Variants in PARD3B observed in about 807,000 individuals in gnomAD.
PARD3B encodes par-3 family cell polarity regulator beta, also known as partitioning defective 3 homolog B.
In PARD3B, 103 loss-of-function variants were observed where a neutral mutation model predicts 130.2. The ratio of observed to expected loss-of-function variants is 0.79; its 90% CI spans 0.67 to 0.93. The LOEUF (loss-of-function observed/expected upper bound fraction) is 0.93. PARD3B is among the 40% of genes least tolerant of loss of function. PARD3B has a pLI of 0.00. For synonymous variants in PARD3B, 583 were observed against 553.2 expected (o/e 1.05, Z -0.76); for missense variants, 1,609 against 1,499.2 (o/e 1.07, Z -1.21).
rs181641618 is a variant in PARD3B at position 205,571,287 on chromosome 2, A to G, written c.3260+17884A>G. Among the ~76,000 whole-genome samples, 35 of 152,366 alleles carry G rather than the reference A, an allele frequency of 2.3e-4. No individual in the cohort carries two copies. The East Asian group carries it at 6.0e-3, about 26-fold the overall frequency. ...ATATTAATAAGCGAAAGATGGTTACATAAAACATCCTCTGCATGTGAAATT... is the reference window on the plus strand; with the variant it reads ...ATATTAATAAGCGAAAGATGGTTACGTAAAACATCCTCTGCATGTGAAATT... On this transcript the variant is annotated intron_variant, in intron 22 of 22. Transcript: ENST00000406610.
At chr2:205,605,568 G>A (rs970075179) in intron 22 of PARD3B, among the ~76,000 whole-genome samples, 22 of 152,178 alleles carry the variant, frequency 1.4e-4, no homozygotes, top group African/African-American at 5.3e-4. Flanking sequence ...TCCTGCACCT[G>A]GAAGTATCAC....
At chr2:204,910,120 A>G (rs540525021) in intron 2 of PARD3B, among the ~76,000 whole-genome samples, 1 of 152,310 alleles carries the variant, frequency 6.6e-6, no homozygotes, top group East Asian at 1.9e-4. Context: ...GAGAATTGAA[A>G]GATATGATTG....
intron 3 of PARD3B, among the ~76,000 whole-genome samples, chr2:204,988,279 A>G (rs369693005): frequency 6.6e-5 from 10 of 152,192 alleles, no homozygotes; most frequent in African/African-American, 2.4e-4. Flanking sequence ...TCAGACAATG[A>G]ATTTGTTCAA....
chr2:204,727,783 A>G (rs1298195988), intron 2 of PARD3B, among the ~76,000 whole-genome samples: 1 of 152,176 alleles, frequency 6.6e-6, no homozygotes, highest in Non-Finnish European at 1.5e-5. Context: ...TCATGTGTTC[A>G]AAAAATGGCA....
At chr2:204,859,835 G>T (rs1363670997) in intron 2 of PARD3B, among the ~76,000 whole-genome samples, 1 of 152,120 alleles carries the variant, frequency 6.6e-6, no homozygotes, top group African/African-American at 2.4e-5. Context: ...ATTTCCTGGT[G>T]GCCTTAGGGA....
rs1199714388 is a variant in PARD3B, at chr2:205,258,138, T to C, written c.2185+12316T>C. On this transcript the variant is annotated intron_variant, in intron 16 of 22. Transcript: ENST00000406610. The surrounding 1 kb of genome is among the most constrained non-coding windows in gnomAD (Gnocchi z 4.9). Reference sequence around the variant, plus strand: ...GCAATGGTACACTTCCATGTGGGCCTGGAAAGCCTTACCAGATGCAGTCAG... The same window carrying C: ...GCAATGGTACACTTCCATGTGGGCCCGGAAAGCCTTACCAGATGCAGTCAG... Among the ~76,000 whole-genome samples, 3 of 152,190 alleles carry C rather than the reference T, an allele frequency of 2.0e-5. No homozygotes were observed. The East Asian group carries it at 5.8e-4, about 29-fold the overall frequency.
In PARD3B at chr2:205,276,890, G is replaced by C. The variant is rs1283550523; in HGVS notation, c.2186-23640G>C. Among the ~76,000 whole-genome samples, 2 of 152,306 alleles carry C rather than the reference G, an allele frequency of 1.3e-5. No individual in the cohort carries two copies. The highest frequency in any genetic ancestry group is 3.9e-4 in the East Asian group (2 of 5,190). On this transcript the variant is annotated intron_variant, in intron 16 of 22. Coordinates refer to ENST00000406610, the MANE Select transcript of PARD3B (RefSeq NM_001302769.2). This position sits in a 1 kb window ranked among gnomAD's most constrained non-coding sequence, Gnocchi z 5.0. ...AGCCTCAGCTTATTTAGCTTTAAAT[G>C]ATGGGTAATAATAATATCCACCTCA...
chr2:204,595,409 G>A (rs2033242355), intron 1 of PARD3B, among the ~76,000 whole-genome samples: 1 of 152,210 alleles, frequency 6.6e-6, no homozygotes, highest in African/African-American at 2.4e-5. Flanking sequence ...AGGAAATAGT[G>A]TGTCCCAGGC....
At chr2:204,729,274 T>A (rs1403902084) in intron 2 of PARD3B, among the ~76,000 whole-genome samples, 1 of 152,192 alleles carries the variant, frequency 6.6e-6, no homozygotes, top group Admixed American at 6.5e-5. Flanking sequence ...CCAAATCTTT[T>A]CTACATTGAT....
At position 204,623,661 on chromosome 2, in the gene PARD3B, A is replaced by G. The variant is rs1274567067; in HGVS notation, c.121-62520A>G. Among the ~76,000 whole-genome samples the G allele has an allele frequency of 1.3e-5, 2 of 152,144 alleles. No individual in the cohort carries two copies. The highest frequency in any genetic ancestry group is 3.9e-4 in the East Asian group (2 of 5,190). ...CTTTATTGTGGTAAGAACACTTAAC[A>G]TGAGATCTGTCCTCTTAACACTTTT... On this transcript the variant is annotated intron_variant, in intron 1 of 22. Transcript: ENST00000406610. The surrounding 1 kb of genome is among the most constrained non-coding windows in gnomAD (Gnocchi z 4.5).
At chr2:205,275,346 A>G (rs935253669) in intron 16 of PARD3B, among the ~76,000 whole-genome samples, 1 of 152,190 alleles carries the variant, frequency 6.6e-6, no homozygotes, top group African/African-American at 2.4e-5. Context: ...TTATGAGGTC[A>G]TGAATTACAA....
intron 20 of PARD3B, among the ~76,000 whole-genome samples, chr2:205,464,828 C>T (rs2048567220): frequency 6.6e-6 from 1 of 152,116 alleles, no homozygotes; most frequent in Admixed American, 6.6e-5. Context: ...AATCACCCTT[C>T]TAATCAAGGA....
At chr2:204,934,581 TAGGCTTTTA>T (rs1473029046) in intron 2 of PARD3B, among the ~76,000 whole-genome samples, 2 of 152,140 alleles carry the variant, frequency 1.3e-5, no homozygotes, top group Non-Finnish European at 2.9e-5. Context: ...AATGTATAGC[TAGGCTTTTA>T]AGGCTCATGC....
chr2:204,556,951 C>T (rs1262202432), intron 1 of PARD3B, among the ~76,000 whole-genome samples: 1 of 151,582 alleles, frequency 6.6e-6, no homozygotes, highest in Non-Finnish European at 1.5e-5. Flanking sequence ...CCTTTTACTT[C>T]TTGTTTTTGA....
At chr2:205,072,417 A>G (rs1700798224) in intron 4 of PARD3B, among the ~76,000 whole-genome samples, 1 of 151,780 alleles carries the variant, frequency 6.6e-6, no homozygotes, top group Non-Finnish European at 1.5e-5. Flanking sequence ...CGCCTGGCTA[A>G]TTTTTACATT....
At chr2:205,599,783 T>C (rs1313081972) in intron 22 of PARD3B, among the ~76,000 whole-genome samples, 1 of 152,226 alleles carries the variant, frequency 6.6e-6, no homozygotes, top group African/African-American at 2.4e-5. Context: ...TCGTTGGTTC[T>C]GGGTGTTGTT....
intron 2 of PARD3B, among the ~76,000 whole-genome samples, chr2:204,840,733 G>T (rs2044229937): frequency 6.6e-6 from 1 of 151,942 alleles, no homozygotes; most frequent in African/African-American, 2.4e-5. Flanking sequence ...AGTTACCTAT[G>T]GTCAACCACG....
chr2:204,661,857 CCTT>C (rs1278050278), intron 1 of PARD3B, among the ~76,000 whole-genome samples: 2 of 151,392 alleles, frequency 1.3e-5, no homozygotes, highest in Non-Finnish European at 2.9e-5. Context: ...TCTTATATCT[CCTT>C]CTGCATTCAA....
chr2:205,112,040 T>C (rs963955211), intron 5 of PARD3B, among the ~76,000 whole-genome samples: 1 of 152,120 alleles, frequency 6.6e-6, no homozygotes, highest in African/African-American at 2.4e-5. Flanking sequence ...ACAGTCCATA[T>C]ACATATGAGT....
Sources: gnomAD v4.1 joint callset for allele counts (sites outside exome capture counted in the v4.1 genomes callset) on GRCh38, gnomAD v4.1.1 for gene constraint, Gnocchi (gnomAD v3.1) non-coding constraint, MANE v1.5 for transcripts, NCBI Gene and HGNC (gene_info 2026-07-23, HGNC 2026-07-21) for gene names.